The following CAD variants were observed in gnomAD, a reference collection of about 807,000 sequenced individuals.
CAD encodes multifunctional protein CAD.
In CAD, 81 loss-of-function variants were observed where a neutral mutation model predicts 237.2. That is an observed-to-expected ratio of 0.34 (90% confidence interval 0.29 to 0.41). The LOEUF (loss-of-function observed/expected upper bound fraction) is 0.41. CAD is among the 10% of genes least tolerant of loss of function. The pLI is 1.00. For missense variants in CAD, 2,181 were observed against 2,951.7 expected, an observed-to-expected ratio of 0.74 and a Z score of 6.05; for synonymous variants, 1,196 against 1,162.8, an observed-to-expected ratio of 1.03 and a Z score of -0.58.
At position 27,233,017 on chromosome 2, in the gene CAD, A is replaced by C. The variant is rs1558537429; in HGVS notation, c.2893-25A>C. 4.7e-6 allele frequency: 7 copies of C among 1,481,048 alleles called. No individual in the cohort carries two copies. The highest frequency in any genetic ancestry group is 6.6e-6 in the Non-Finnish European group (7 of 1,058,882). 91.7% of individuals were successfully genotyped at this position (1,481,048 alleles called of 1,614,324 possible). A position where few individuals can be genotyped will look rare whatever the true frequency, so the allele number is the denominator to read the frequency against. ...CGATTTTCCTCCCACCTGACTGCTA[A>C]GTACCCTTCCCCTCCCTCTTGCAGA... is the stretch of plus-strand genomic sequence containing the variant. On this transcript the variant is annotated intron_variant, in intron 18 of 43. Coordinates refer to ENST00000264705, the MANE Select transcript of CAD (RefSeq NM_004341.5). This position sits in a 1 kb window ranked among gnomAD's most constrained non-coding sequence, Gnocchi z 6.3.
In CAD at chr2:27,217,862, G is replaced by A. The variant is rs377725410; in HGVS notation, c.83-15G>A. 9 of 1,588,028 alleles carry A rather than the reference G, an allele frequency of 5.7e-6. No homozygotes were observed. In the African/African-American group the frequency reaches 8.1e-5, roughly 14 times the overall value. On this transcript the variant is annotated splice_polypyrimidine_tract_variant and intron_variant, in intron 1 of 43. Transcript: ENST00000264705. ...GGGTGCCCTACCGGAGCCCAGCCCT[G>A]CTTCTTTCTTGCAGTGTTTCAAACC...
At chr2:27,229,613 C>T (rs920841810) in intron 15 of CAD, among the ~76,000 whole-genome samples, 1 of 152,086 alleles carries the variant, frequency 6.6e-6, no homozygotes, top group Non-Finnish European at 1.5e-5. Flanking sequence ...CGCGGTGGCT[C>T]ATGCCTGTAA....
Position 27,235,472 on chromosome 2 carries a change from G to A in CAD, c.3969+45G>A. ...CTTCCCGAGGGCCGTGGCTCCCTGG[G>A]CCAGGGCTGACCTTGAAATGGAAGA... On this transcript the variant is annotated intron_variant, in intron 24 of 43. Coordinates refer to ENST00000264705, the MANE Select transcript of CAD (RefSeq NM_004341.5). This position sits in a 1 kb window ranked among gnomAD's most constrained non-coding sequence, Gnocchi z 5.2. 2 of 1,611,204 alleles carry A rather than the reference G, an allele frequency of 1.2e-6. No individual in the cohort carries two copies. The highest frequency in any genetic ancestry group is 2.7e-5 in the African/African-American group (2 of 74,982).
chr2:27,231,045 C>G (rs1445254495), intron 15 of CAD, among the ~76,000 whole-genome samples: 1 of 152,168 alleles, frequency 6.6e-6, no homozygotes, highest in Non-Finnish European at 1.5e-5. Flanking sequence ...TCGCTTTGTT[C>G]CCCGGGCTGG....
Position 27,237,616 on chromosome 2 carries a change from C to T in CAD, c.4563+71C>T, listed in dbSNP as rs142215330. ...ACCAGCCACCCTTGCTTCCCTGAGCCCTTTTCCTTCTGCCCCGCCCTATGG... is the reference window on the plus strand; with the variant it reads ...ACCAGCCACCCTTGCTTCCCTGAGCTCTTTTCCTTCTGCCCCGCCCTATGG... On this transcript the variant is annotated intron_variant, in intron 28 of 43. Coordinates refer to ENST00000264705, the MANE Select transcript of CAD (RefSeq NM_004341.5). The surrounding 1 kb of genome is among the most constrained non-coding windows in gnomAD (Gnocchi z 4.0). 593 of 1,579,262 alleles carry T rather than the reference C, an allele frequency of 3.8e-4. 6 individuals carry two copies. In the East Asian group the frequency reaches 0.012, roughly 32 times the overall value.
At chr2:27,220,899 A>G (rs1464388548) in intron 2 of CAD, among the ~76,000 whole-genome samples, 2 of 152,154 alleles carry the variant, frequency 1.3e-5, no homozygotes, top group African/African-American at 4.8e-5. Context: ...CAGAGGTTGC[A>G]GTGAGCTTAG....
At position 27,239,499 on chromosome 2, in the gene CAD, A is replaced by C. The variant is rs768193579; in HGVS notation, c.5394+28A>C. On this transcript the variant is annotated intron_variant, in intron 33 of 43. Transcript: ENST00000264705. This position sits in a 1 kb window ranked among gnomAD's most constrained non-coding sequence, Gnocchi z 4.0. ...ACGCAAGTAGCCCCTGCCTGATCTC[A>C]GTAGTGCCCTCTTCTGCACCACGTT... 8 of 1,608,452 alleles carry C rather than the reference A, an allele frequency of 5.0e-6. No homozygotes were observed. The Admixed American group carries it at 1.2e-4, about 24-fold the overall frequency.
At chr2:27,220,157 ATGTC>A (rs765086763) in intron 2 of CAD, among the ~76,000 whole-genome samples, 1 of 152,150 alleles carries the variant, frequency 6.6e-6, no homozygotes, top group Non-Finnish European at 1.5e-5. Flanking sequence ...ACCTCAATAA[ATGTC>A]TGACTGACAC....
At chr2:27,231,393 T>C in intron 15 of CAD, 75 bp from the exon 16 acceptor site, 1 of 824,448 alleles carries the variant, frequency 1.2e-6, no homozygotes, top group Non-Finnish European at 2.1e-6. Flanking sequence ...CTATAAACCA[T>C]AAGCATTATG....
rs747492715 is a variant in CAD, at chr2:27,231,517, C to T, written c.2337C>T (p.Ala779=). The T allele has an allele frequency of 6.2e-7, 1 of 1,613,874 alleles. No individual in the cohort carries two copies. Among genetic ancestry groups the T allele is most frequent in the East Asian group, 2.2e-5 (1 of 44,876 alleles). Residue 779 remains alanine (A), a synonymous_variant, in exon 16 of 44, where the codon GCC becomes GCT. Transcript: ENST00000264705. ...GRSFEEAFQK[A]LRMVDENCVG... is the part of the protein sequence containing the mutation. Reference sequence around the variant, plus strand: ...CATTTGAGGAGGCCTTCCAGAAGGCCCTGCGCATGGTGGATGAGAACTGTG... The same window carrying T: ...CATTTGAGGAGGCCTTCCAGAAGGCTCTGCGCATGGTGGATGAGAACTGTG...
rs1246839480 is a variant in CAD at position 27,239,528 on chromosome 2, T to A, written c.5394+57T>A. The A allele has an allele frequency of 3.1e-6, 5 of 1,588,412 alleles. No individual in the cohort carries two copies. Among genetic ancestry groups the A allele is most frequent in the Non-Finnish European group, 3.4e-6 (4 of 1,160,942 alleles). On this transcript the variant is annotated intron_variant, in intron 33 of 43. Coordinates refer to ENST00000264705, the MANE Select transcript of CAD (RefSeq NM_004341.5). This position sits in a 1 kb window ranked among gnomAD's most constrained non-coding sequence, Gnocchi z 4.0. ...GTGCCCTCTTCTGCACCACGTTCATTTCTTCCCTTCCCAGCACATCTACAC... is the reference window on the plus strand; with the variant it reads ...GTGCCCTCTTCTGCACCACGTTCATATCTTCCCTTCCCAGCACATCTACAC...
chr2:27,226,847 G>T lies in CAD; in HGVS notation c.2172G>T (p.Gly724=). 1 of 1,614,158 alleles carries T rather than the reference G, an allele frequency of 6.2e-7. No individual in the cohort carries two copies. The highest frequency in any genetic ancestry group is 8.5e-7 in the Non-Finnish European group (1 of 1,180,036). Residue 724 remains glycine (G), a synonymous_variant, in exon 15 of 44, where the codon GGG becomes GGT. Coordinates refer to ENST00000264705, the MANE Select transcript of CAD (RefSeq NM_004341.5). ...TGGACCCCAGGAACTCTGTGACAGGGGGTACAGCAGCCTTTGAACCCAGCG... is the reference window on the plus strand; with the variant it reads ...TGGACCCCAGGAACTCTGTGACAGGTGGTACAGCAGCCTTTGAACCCAGCG... The part of the protein sequence containing the change: ...PLPELRNSVT[G]GTAAFEPSVD...
At chr2:27,219,949 A>G (rs563725984) in intron 2 of CAD, among the ~76,000 whole-genome samples, 1 of 151,782 alleles carries the variant, frequency 6.6e-6, no homozygotes, top group Non-Finnish European at 1.5e-5. Context: ...TGTGCCCTGA[A>G]CCTTTGTTTT....
chr2:27,232,037 G>C lies in CAD; in HGVS notation c.2458G>C (p.Gly820Arg), dbSNP rs1360076629. Residue 820 changes from glycine (G) to arginine (R), a missense_variant, in exon 17 of 44, where the codon GGT becomes CGT. By Grantham distance (125) the Gly-to-Arg change is moderately radical. Around this residue, in one of 12 missense-constraint regions of CAD, gnomAD observed 385 missense variants for 535.1 expected, o/e 0.72. Coordinates refer to ENST00000264705, the MANE Select transcript of CAD (RefSeq NM_004341.5). The surrounding 1 kb of genome is among the most constrained non-coding windows in gnomAD (Gnocchi z 4.1). ...IFVVAAALWA[G>R]YSVDRLYELT... ...TGTGGTGGCAGCTGCTTTGTGGGCTGGTTATTCAGTGGACCGCCTGTATGA... is the reference window on the plus strand; with the variant it reads ...TGTGGTGGCAGCTGCTTTGTGGGCTCGTTATTCAGTGGACCGCCTGTATGA... 2 of 1,614,214 alleles carry C rather than the reference G, an allele frequency of 1.2e-6. No individual in the cohort carries two copies. Among genetic ancestry groups the C allele is most frequent in the Admixed American group, 1.7e-5 (1 of 60,022 alleles).
In CAD at chr2:27,240,349, C is replaced by T; in HGVS notation, c.5581C>T (p.Pro1861Ser). The T allele has an allele frequency of 1.9e-6, 3 of 1,614,132 alleles. No homozygotes were observed. Among genetic ancestry groups the T allele is most frequent in the Non-Finnish European group, 2.5e-6 (3 of 1,179,994 alleles). ...LPPRIHRASD[P>S]GLPAEEPKEK... is the part of the protein sequence containing the mutation. ...GCCCCGAATCCATCGAGCCTCCGAC[C>T]CAGGTTTGCCAGGTAAGAGTGGGGT... Residue 1861 changes from proline to serine, a missense_variant, in exon 35 of 44, where the codon CCA becomes TCA. Pro to Ser is a moderately conservative substitution (Grantham distance 74). Around this residue, in one of 12 missense-constraint regions of CAD, gnomAD observed 203 missense variants for 284.5 expected, o/e 0.71. Transcript: ENST00000264705. This position sits in a 1 kb window ranked among gnomAD's most constrained non-coding sequence, Gnocchi z 4.6.
chr2:27,224,276 G>A, intron 8 of CAD, 69 bp from the exon 9 acceptor site: 2 of 1,558,772 alleles, frequency 1.3e-6, no homozygotes, highest in South Asian at 1.1e-5. Flanking sequence ...GAAAGCGAGG[G>A]AGCTAATCCA....
In CAD at chr2:27,237,741, C is replaced by T. The variant is rs1307773967; in HGVS notation, c.4587C>T (p.Cys1529=). The T allele has an allele frequency of 1.4e-5, 23 of 1,613,592 alleles. No homozygotes were observed. Among genetic ancestry groups the T allele is most frequent in the South Asian group, 4.4e-5 (4 of 91,006 alleles). The change falls in exon 29 of 44, where the codon TGC becomes TGT. Residue 1529 remains cysteine (C), a synonymous_variant. Transcript: ENST00000264705. This position sits in a 1 kb window ranked among gnomAD's most constrained non-coding sequence, Gnocchi z 4.0. The part of the protein sequence containing the change: ...AQKLAEAGAR[C]DFALFLGASS... ...AGCTGGCAGAGGCTGGCGCCCGGTGCGACTTTGCGCTATTCCTTGGGGCCT... is the reference window on the plus strand; with the variant it reads ...AGCTGGCAGAGGCTGGCGCCCGGTGTGACTTTGCGCTATTCCTTGGGGCCT...
rs531822941 is a variant in CAD, at chr2:27,217,374, C to G, written c.-178C>G. On this transcript the variant is annotated 5_prime_UTR_variant, in exon 1 of 44. Coordinates refer to ENST00000264705, the MANE Select transcript of CAD (RefSeq NM_004341.5). ...GCCTGTGTCCGCGCCGCCGCAGTCT[C>G]TGCTGCTGCCGCCAAGCGCGCCCGA... 162 of 620,250 alleles carry G rather than the reference C, an allele frequency of 2.6e-4. No individual in the cohort carries two copies. The African/African-American group carries it at 2.9e-3, about 11-fold the overall frequency. The allele number at this position is 620,250 out of a possible 1,614,324, so 38.4% of individuals were successfully genotyped here. A position where few individuals can be genotyped will look rare whatever the true frequency, so the allele number is the denominator to read the frequency against.
chr2:27,232,910 C>T lies in CAD; in HGVS notation c.2893-132C>T. On this transcript the variant is annotated intron_variant, in intron 18 of 43. Transcript: ENST00000264705. This position sits in a 1 kb window ranked among gnomAD's most constrained non-coding sequence, Gnocchi z 4.1. ...CCTCCTTCCCTCCCAAGGCAGGGGT[C>T]CTGTACAGCTCTTTCAGAGGAAGCT... 1 of 800,940 alleles carries T rather than the reference C, an allele frequency of 1.2e-6. No homozygotes were observed. The highest frequency in any genetic ancestry group is 2.1e-6 in the Non-Finnish European group (1 of 472,910). The allele number at this position is 800,940 out of a possible 1,614,324, so 49.6% of individuals were successfully genotyped here.
Sources: gnomAD v4.1 joint callset for allele counts (sites outside exome capture counted in the v4.1 genomes callset) on GRCh38, gnomAD v4.1.1 for gene constraint, gnomAD v4.1.1 regional missense constraint, Gnocchi (gnomAD v3.1) non-coding constraint, MANE v1.5 for transcripts, NCBI Gene and HGNC (gene_info 2026-07-23, HGNC 2026-07-21) for gene names.